Variants in TENM2 observed in about 807,000 individuals in gnomAD.
The protein encoded by TENM2 is teneurin-2.
A neutral mutation model predicts 245.2 loss-of-function variants in TENM2; 52 were observed. That is an observed-to-expected ratio of 0.21 (90% confidence interval 0.17 to 0.27). The LOEUF is 0.27. TENM2 is among the 10% of genes least tolerant of loss of function. TENM2 has a pLI of 1.00. For synonymous variants in TENM2, 1,363 were observed against 1,438.9 expected, an observed-to-expected ratio of 0.95 and a Z score of 1.19; for missense variants, 3,046 against 3,666.8, an observed-to-expected ratio of 0.83 and a Z score of 4.37.
At chr5:167,171,026 G>T in the TENM2 span, among the ~76,000 whole-genome samples, 1 of 152,038 alleles carries the variant, frequency 6.6e-6, no homozygotes, top group East Asian at 1.9e-4. Flanking sequence ...CAGCTCTGTC[G>T]TGGGTCTTTG....
At chr5:167,440,015 T>C (rs1225403004) in intron 2 of TENM2, among the ~76,000 whole-genome samples, 2 of 152,202 alleles carry the variant, frequency 1.3e-5, no homozygotes, top group African/African-American at 4.8e-5. Context: ...CTGTTTTACA[T>C]GGTAGCCCTA....
chr5:168,040,572 A>G (rs1240024512), intron 5 of TENM2, among the ~76,000 whole-genome samples: 1 of 152,204 alleles, frequency 6.6e-6, no homozygotes, highest in Admixed American at 6.5e-5. Context: ...AATAGGAGAA[A>G]TCACTTCACC....
chr5:167,013,256 T>G, the TENM2 span, among the ~76,000 whole-genome samples: 4 of 152,192 alleles, frequency 2.6e-5, no homozygotes, highest in African/African-American at 9.6e-5. Context: ...CTGAAAGATT[T>G]CTGGTTCTAA....
the TENM2 span, among the ~76,000 whole-genome samples, chr5:167,255,604 G>A: frequency 6.6e-6 from 1 of 152,122 alleles, no homozygotes; most frequent in Non-Finnish European, 1.5e-5. Flanking sequence ...TCTTGGATAT[G>A]AAAACGTAGA....
chr5:167,872,267 G>A (rs1772889714), intron 2 of TENM2, among the ~76,000 whole-genome samples: 1 of 131,214 alleles, frequency 7.6e-6, no homozygotes, highest in Non-Finnish European at 1.6e-5. Flanking sequence ...GCAAGACCAT[G>A]TCAAAAAAGA....
In TENM2 at chr5:167,394,526, T is replaced by C. The variant is rs547312281; in HGVS notation, c.502+19053T>C. Among the ~76,000 whole-genome samples the C allele has an allele frequency of 4.6e-5, 7 of 152,248 alleles. No homozygotes were observed. The South Asian group carries it at 1.5e-3, about 32-fold the overall frequency. ...ATACTGTTTTGAACACTATTTTGTG[T>C]GTCAGTTTGACACATAGACTTATAA... On this transcript the variant is annotated intron_variant, in intron 2 of 28. Transcript: ENST00000518659.
intron 1 of TENM2, among the ~76,000 whole-genome samples, chr5:167,359,491 C>A (rs184086734): frequency 1.3e-5 from 2 of 151,538 alleles, no homozygotes; most frequent in African/African-American, 4.8e-5. Context: ...TCATGAATGG[C>A]CTTGCACTCT....
intron 2 of TENM2, among the ~76,000 whole-genome samples, chr5:167,481,895 G>T (rs2127529833): frequency 6.6e-6 from 1 of 152,296 alleles, no homozygotes; most frequent in South Asian, 2.1e-4. Flanking sequence ...TGTTATGTGA[G>T]TATGCATATA....
At chr5:167,849,412 C>T (rs1255458651) in intron 2 of TENM2, among the ~76,000 whole-genome samples, 1 of 152,134 alleles carries the variant, frequency 6.6e-6, no homozygotes. Context: ...TTTTTTCTCT[C>T]TCCACTCACA....
the TENM2 span, among the ~76,000 whole-genome samples, chr5:167,264,440 A>G: frequency 3.9e-5 from 6 of 152,174 alleles, no homozygotes; most frequent in African/African-American, 1.4e-4. Context: ...GTTACTGCAT[A>G]TGGAAATATA....
chr5:167,373,829 A>G (rs1381527001), intron 1 of TENM2, among the ~76,000 whole-genome samples: 6 of 152,214 alleles, frequency 3.9e-5, no homozygotes, highest in Non-Finnish European at 1.5e-5. Flanking sequence ...ATGCTGGGCT[A>G]TGATGGTATT....
chr5:167,501,780 C>G (rs921714942), intron 2 of TENM2, among the ~76,000 whole-genome samples: 2 of 152,122 alleles, frequency 1.3e-5, no homozygotes, highest in South Asian at 2.1e-4. Context: ...GCCATACCCT[C>G]TACCTTATTT....
At chr5:167,920,050 A>G (rs1256765736) in intron 3 of TENM2, among the ~76,000 whole-genome samples, 1 of 152,160 alleles carries the variant, frequency 6.6e-6, no homozygotes, top group Non-Finnish European at 1.5e-5. Flanking sequence ...CTGGCAGGAA[A>G]GGAGATGGGA....
intron 2 of TENM2, among the ~76,000 whole-genome samples, chr5:167,709,340 T>G (rs771256598): frequency 6.6e-6 from 1 of 152,234 alleles, no homozygotes; most frequent in South Asian, 2.1e-4. Context: ...CTACATGTAA[T>G]TTTTTGTATC....
At chr5:167,771,164 C>T (rs13358694) in intron 2 of TENM2, among the ~76,000 whole-genome samples, 7,570 of 152,120 alleles carry the variant, frequency 0.05, 626 homozygotes, top group African/African-American at 0.17. Flanking sequence ...AACTTTTAGT[C>T]TGAAGCTAAA....
chr5:167,141,398 C>A, the TENM2 span, among the ~76,000 whole-genome samples: 2 of 152,216 alleles, frequency 1.3e-5, no homozygotes, highest in East Asian at 1.9e-4. Context: ...AAATGACTAT[C>A]ATTCTTTGAC....
chr5:167,037,721 G>A, the TENM2 span, among the ~76,000 whole-genome samples: 5 of 152,236 alleles, frequency 3.3e-5, no homozygotes, highest in East Asian at 3.9e-4. Context: ...GAGAGGCAAA[G>A]AGAGGAACCG....
chr5:167,905,569 A>G (rs1384027321), intron 3 of TENM2, among the ~76,000 whole-genome samples: 1 of 152,202 alleles, frequency 6.6e-6, no homozygotes, highest in Non-Finnish European at 1.5e-5. Context: ...GACCTTTTTA[A>G]ATTTAGCACT....
intron 14 of TENM2, among the ~76,000 whole-genome samples, chr5:168,192,085 G>A (rs1004067462): frequency 6.6e-6 from 1 of 152,090 alleles, no homozygotes; most frequent in African/African-American, 2.4e-5. Context: ...ATATCATGTT[G>A]GGCTCGTAAA....
Sources: gnomAD v4.1 joint callset for allele counts (sites outside exome capture counted in the v4.1 genomes callset) on GRCh38, gnomAD v4.1.1 for gene constraint, MANE v1.5 for transcripts, NCBI Gene and HGNC (gene_info 2026-07-23, HGNC 2026-07-21) for gene names.